SPOCK1: variants seen among roughly 807,000 people sequenced by gnomAD.
The protein encoded by SPOCK1 is SPARC (osteonectin), cwcv and kazal like domains proteoglycan 1.
In SPOCK1, 23 loss-of-function variants were observed where a neutral mutation model predicts 55.3. The ratio of observed to expected loss-of-function variants is 0.42; its 90% CI spans 0.30 to 0.59. The LOEUF (loss-of-function observed/expected upper bound fraction) is 0.59, where lower values mean the gene tolerates loss of function less well. Among genes scored for constraint, SPOCK1 ranks in the 20% least tolerant of loss-of-function variants. The pLI, the probability that SPOCK1 is intolerant of heterozygous loss-of-function variation, is 0.22. For missense variants in SPOCK1, 499 were observed against 552.5 expected, an observed-to-expected ratio of 0.90 and a Z score of 0.97; for synonymous variants, 226 against 221.0, an observed-to-expected ratio of 1.02 and a Z score of -0.20.
chr5:137,145,253 C>G (rs1754169937), intron 3 of SPOCK1, among the ~76,000 whole-genome samples: 1 of 152,300 alleles, frequency 6.6e-6, no homozygotes, highest in East Asian at 1.9e-4. Context: ...ATTACTGGTT[C>G]CATGTAACTT....
chr5:137,253,001 C>A (rs1756566369), intron 3 of SPOCK1, among the ~76,000 whole-genome samples: 1 of 152,134 alleles, frequency 6.6e-6, no homozygotes, highest in African/African-American at 2.4e-5. Flanking sequence ...ATTCTTTATT[C>A]ACCCGCTACT....
At chr5:137,201,134 G>T (rs538170146) in intron 3 of SPOCK1, among the ~76,000 whole-genome samples, 1 of 152,198 alleles carries the variant, frequency 6.6e-6, no homozygotes, top group Non-Finnish European at 1.5e-5. Context: ...GCAAGACAAT[G>T]TCTCACATTG....
At chr5:137,084,954 C>CAAAAAAAAAA (rs10568473) in intron 5 of SPOCK1, among the ~76,000 whole-genome samples, 7 of 114,254 alleles carry the variant, frequency 6.1e-5, no homozygotes, top group East Asian at 5.0e-4. Flanking sequence ...TTATACAAAG[C>CAAAAAAAAAA]AAAAAAAAAA....
At chr5:137,199,800 G>A (rs1263229823) in intron 3 of SPOCK1, among the ~76,000 whole-genome samples, 1 of 152,048 alleles carries the variant, frequency 6.6e-6, no homozygotes, top group Non-Finnish European at 1.5e-5. Flanking sequence ...GCTTTTACAT[G>A]CCCAACCTGG....
chr5:137,339,466 G>T (rs552127574), intron 2 of SPOCK1, among the ~76,000 whole-genome samples: 1 of 152,318 alleles, frequency 6.6e-6, no homozygotes, highest in Non-Finnish European at 1.5e-5. Context: ...ACCCCATGAG[G>T]ACAGCCTGCC....
intron 2 of SPOCK1, among the ~76,000 whole-genome samples, chr5:137,353,395 T>C (rs1451673469): frequency 6.6e-6 from 1 of 151,942 alleles, no homozygotes; most frequent in Non-Finnish European, 1.5e-5. Flanking sequence ...AATCAATCAA[T>C]AAATAAAAAT....
chr5:137,451,364 G>A (rs146109381), intron 2 of SPOCK1, among the ~76,000 whole-genome samples: 42 of 152,262 alleles, frequency 2.8e-4, no homozygotes, highest in Non-Finnish European at 4.4e-4. Context: ...CCAAGCTCAC[G>A]TTTCAGCCTT....
At position 137,300,879 on chromosome 5, in the gene SPOCK1, T is replaced by G. The variant is rs547768533; in HGVS notation, c.187-33824A>C. Among the ~76,000 whole-genome samples the G allele has an allele frequency of 2.5e-3, 384 of 152,294 alleles. 1 individual carries two copies. Among genetic ancestry groups the G allele is most frequent in the African/African-American group, 8.9e-3 (371 of 41,570 alleles). ...GGTCACCCTCACACAGAAAGCCCCA[T>G]GAACACAGATTGTACCAAGTGCAGC... is the stretch of plus-strand genomic sequence containing the variant. On this transcript the variant is annotated intron_variant, in intron 2 of 10. Coordinates refer to ENST00000394945, the MANE Select transcript of SPOCK1 (RefSeq NM_004598.4).
chr5:137,398,735 A>G (rs1751909148), intron 2 of SPOCK1, among the ~76,000 whole-genome samples: 1 of 152,218 alleles, frequency 6.6e-6, no homozygotes, highest in Non-Finnish European at 1.5e-5. Flanking sequence ...ATATTTCCAT[A>G]ATTTCTTCCT....
chr5:137,096,869 C>T (rs1050908302), intron 5 of SPOCK1, among the ~76,000 whole-genome samples: 3 of 152,144 alleles, frequency 2.0e-5, no homozygotes, highest in Admixed American at 6.6e-5. Flanking sequence ...GTGTGGAGGA[C>T]GCTTGGCTGT....
At position 137,228,232 on chromosome 5, in the gene SPOCK1, G is replaced by T. The variant is rs550736312; in HGVS notation, c.232+38778C>A. On this transcript the variant is annotated intron_variant, in intron 3 of 10. Coordinates refer to ENST00000394945, the MANE Select transcript of SPOCK1 (RefSeq NM_004598.4). The stretch of plus-strand genomic sequence containing the variant: ...GCTGTCATTGTACACAGTTTGTAAA[G>T]ATGGCTCCCAGGCCACAGGGCAAGC... Among the ~76,000 whole-genome samples the T allele has an allele frequency of 2.6e-5, 4 of 152,360 alleles. No individual in the cohort carries two copies. In the South Asian group the frequency reaches 8.3e-4, roughly 32 times the overall value.
chr5:137,064,517 G>A (rs190063114), intron 6 of SPOCK1, among the ~76,000 whole-genome samples: 1 of 152,312 alleles, frequency 6.6e-6, no homozygotes, highest in African/African-American at 2.4e-5. Context: ...TCAGAGGCCA[G>A]GACTGCCTGT....
chr5:137,245,240 T>C (rs1756372125), intron 3 of SPOCK1, among the ~76,000 whole-genome samples: 1 of 151,648 alleles, frequency 6.6e-6, no homozygotes, highest in African/African-American at 2.4e-5. Context: ...TCACTAGGAT[T>C]CTCCTTGATG....
intron 2 of SPOCK1, among the ~76,000 whole-genome samples, chr5:137,293,824 C>T (rs1015784529): frequency 6.6e-6 from 1 of 151,846 alleles, no homozygotes; most frequent in African/African-American, 2.4e-5. Context: ...AGACCATCCT[C>T]GCTAACACGG....
intron 3 of SPOCK1, among the ~76,000 whole-genome samples, chr5:137,168,323 C>T (rs541552647): frequency 1.3e-5 from 2 of 152,104 alleles, no homozygotes; most frequent in East Asian, 1.9e-4. Flanking sequence ...TGAGTAAGCA[C>T]AGGCAACCAA....
In SPOCK1 at chr5:137,498,372, C is replaced by G; in HGVS notation, c.186+1G>C. On this transcript the variant is annotated splice_donor_variant, in intron 2 of 10. Coordinates refer to ENST00000394945, the MANE Select transcript of SPOCK1 (RefSeq NM_004598.4). LOFTEE classifies it high-confidence loss of function. ...CAGGGCCGGGTGGCGCCGGTACTCACGTCTCGAAAGCGGTTCCAGTACTTG... is the reference window on the plus strand; with the variant it reads ...CAGGGCCGGGTGGCGCCGGTACTCAGGTCTCGAAAGCGGTTCCAGTACTTG... The G allele has an allele frequency of 6.3e-7, 1 of 1,595,260 alleles. No homozygotes were observed. The highest frequency in any genetic ancestry group is 8.5e-7 in the Non-Finnish European group (1 of 1,171,142).
intron 3 of SPOCK1, among the ~76,000 whole-genome samples, chr5:137,150,253 C>T (rs572340557): frequency 1.3e-5 from 2 of 152,312 alleles, no homozygotes; most frequent in South Asian, 2.1e-4. Context: ...CACATCCACA[C>T]CACTGATGAA....
rs141377450 is a variant in SPOCK1, at chr5:137,152,154, G to C, written c.233-11460C>G. On this transcript the variant is annotated intron_variant, in intron 3 of 10. Coordinates refer to ENST00000394945, the MANE Select transcript of SPOCK1 (RefSeq NM_004598.4). ...AAAAATGGTTGCATCCCCCACTATA[G>C]GAACTGGTAAGTGCCGTATAACTTA... Among the ~76,000 whole-genome samples, 499 of 152,314 alleles carry C rather than the reference G, an allele frequency of 3.3e-3. 3 individuals are homozygous for C. The highest frequency in any genetic ancestry group is 0.011 in the African/African-American group (467 of 41,564).
At chr5:137,205,051 C>T (rs910654192) in intron 3 of SPOCK1, among the ~76,000 whole-genome samples, 1 of 152,144 alleles carries the variant, frequency 6.6e-6, no homozygotes, top group Non-Finnish European at 1.5e-5. Flanking sequence ...TCCCTATCAC[C>T]GTACGCCATT....
Sources: gnomAD v4.1 joint callset for allele counts (sites outside exome capture counted in the v4.1 genomes callset) on GRCh38, gnomAD v4.1.1 for gene constraint, MANE v1.5 for transcripts, NCBI Gene and HGNC (gene_info 2026-07-23, HGNC 2026-07-21) for gene names.